The following PTPN13 variants were observed in gnomAD, a reference collection of about 807,000 sequenced individuals.
PTPN13 encodes the protein tyrosine-protein phosphatase non-receptor type 13.
In PTPN13, 191 loss-of-function variants were observed where a neutral mutation model predicts 284.0. The observed-to-expected ratio is 0.67, with a 90% CI of 0.60 to 0.76. The LOEUF (loss-of-function observed/expected upper bound fraction) is 0.76. Ranked by LOEUF, PTPN13 falls within the 30% of genes least tolerant of loss-of-function variation. PTPN13 has a pLI of 0.00. For missense variants in PTPN13, 2,797 were observed against 2,939.9 expected (o/e 0.95, Z 1.12); for synonymous variants, 986 against 1,022.3 (o/e 0.96, Z 0.68).
chr4:86,784,365 C>T (rs761704630), intron 37 of PTPN13, 100 bp from the exon 38 acceptor site: 3 of 740,636 alleles, frequency 4.1e-6, no homozygotes, highest in Non-Finnish European at 6.6e-6. Context: ...TAAAATGGAT[C>T]TTGTACTAAG....
chr4:86,721,819 G>C (rs1322464711), intron 9 of PTPN13, among the ~76,000 whole-genome samples: 1 of 148,208 alleles, frequency 6.7e-6, no homozygotes, highest in Non-Finnish European at 1.5e-5. Context: ...GCTCACTGCA[G>C]CCTCAACCCC....
intron 7 of PTPN13, among the ~76,000 whole-genome samples, chr4:86,705,390 T>G (rs574534070): frequency 6.6e-6 from 1 of 151,262 alleles, no homozygotes; most frequent in Non-Finnish European, 1.5e-5. Context: ...TATGAAGATT[T>G]TAGCTACTAT....
At chr4:86,811,150 A>C in intron 47 of PTPN13, 42 bp downstream of exon 47, 1 of 1,556,662 alleles carries the variant, frequency 6.4e-7, no homozygotes, top group South Asian at 1.2e-5. Context: ...TTTTGTAAAG[A>C]TTCTAATATT....
chr4:86,769,625 T>C (rs1739746690), intron 28 of PTPN13, 144 bp from the exon 29 acceptor site: 7 of 578,810 alleles, frequency 1.2e-5, no homozygotes, highest in East Asian at 2.8e-5. Context: ...CAGTATACCA[T>C]TGGAGTGCAG....
chr4:86,595,850 G>C (rs1484671793), intron 1 of PTPN13: 2 of 729,538 alleles, frequency 2.7e-6, no homozygotes, highest in Non-Finnish European at 3.4e-6. Flanking sequence ...AAGGATGGGG[G>C]GGGGAGTAAA....
intron 43 of PTPN13, among the ~76,000 whole-genome samples, 162 bp downstream of exon 43, chr4:86,804,019 G>C (rs1744372096): frequency 6.6e-6 from 1 of 151,580 alleles, no homozygotes; most frequent in Admixed American, 6.6e-5. Context: ...TTCTGATTAG[G>C]ATCCCAATAA....
At chr4:86,723,396 G>A (rs1050883486) in intron 10 of PTPN13, among the ~76,000 whole-genome samples, 2 of 152,106 alleles carry the variant, frequency 1.3e-5, no homozygotes, top group Non-Finnish European at 2.9e-5. Flanking sequence ...TGTGAACTGC[G>A]TTGCATGTTC....
intron 3 of PTPN13, among the ~76,000 whole-genome samples, chr4:86,680,456 A>C (rs1728783070): frequency 6.6e-6 from 1 of 151,132 alleles, no homozygotes. Context: ...ATATGTACTT[A>C]ATTGCCTGAA....
chr4:86,613,189 G>A (rs1220549349), intron 1 of PTPN13, among the ~76,000 whole-genome samples: 2 of 152,146 alleles, frequency 1.3e-5, no homozygotes, highest in Non-Finnish European at 2.9e-5. Flanking sequence ...ACTTACTGTG[G>A]GCAAGGAATA....
intron 2 of PTPN13, among the ~76,000 whole-genome samples, chr4:86,668,885 G>A (rs1307364873): frequency 2.6e-5 from 4 of 151,392 alleles, no homozygotes; most frequent in African/African-American, 4.9e-5. Context: ...GGGATTACAG[G>A]CATGAGCCAC....
At chr4:86,636,807 A>C (rs1723073594) in intron 2 of PTPN13, among the ~76,000 whole-genome samples, 1 of 152,210 alleles carries the variant, frequency 6.6e-6, no homozygotes, top group Admixed American at 6.5e-5. Context: ...AGCTACCAGA[A>C]GGCAAGAAAT....
chr4:86,795,102 G>C (rs1302348391), intron 40 of PTPN13, among the ~76,000 whole-genome samples: 1 of 152,150 alleles, frequency 6.6e-6, no homozygotes, highest in Non-Finnish European at 1.5e-5. Flanking sequence ...AGAGTGAACA[G>C]GCAACCTACC....
At chr4:86,773,266 T>C (rs1177744599) in intron 32 of PTPN13, among the ~76,000 whole-genome samples, 1 of 152,238 alleles carries the variant, frequency 6.6e-6, no homozygotes, top group Non-Finnish European at 1.5e-5. Flanking sequence ...CACAGGGTTG[T>C]GGTGAAGATT....
chr4:86,725,845 G>A lies in PTPN13; in HGVS notation c.1608+3411G>A, dbSNP rs553788271. Among the ~76,000 whole-genome samples, 159 of 149,618 alleles carry A rather than the reference G, an allele frequency of 1.1e-3. 12 individuals carry two copies. The highest frequency in any genetic ancestry group is 1.6e-3 in the Non-Finnish European group (109 of 66,622). ...TAATTAGATACTGTTTGTCTATTTTGGCTTTCGTTGCCATTGCTTTTGGTG... is the reference window on the plus strand; with the variant it reads ...TAATTAGATACTGTTTGTCTATTTTAGCTTTCGTTGCCATTGCTTTTGGTG... On this transcript the variant is annotated intron_variant, in intron 10 of 47. Coordinates refer to ENST00000411767, the MANE Select transcript of PTPN13 (RefSeq NM_080683.3).
At chr4:86,658,810 T>G (rs1726142985) in intron 2 of PTPN13, among the ~76,000 whole-genome samples, 1 of 151,982 alleles carries the variant, frequency 6.6e-6, no homozygotes, top group African/African-American at 2.4e-5. Flanking sequence ...ACAGTCAAAA[T>G]TTTAAAAAAA....
At chr4:86,772,547 G>A (rs182481049) in intron 31 of PTPN13, among the ~76,000 whole-genome samples, 3 of 152,092 alleles carry the variant, frequency 2.0e-5, no homozygotes, top group East Asian at 3.9e-4. Flanking sequence ...GAGTGAGACC[G>A]TGTCTCAACA....
intron 1 of PTPN13, among the ~76,000 whole-genome samples, chr4:86,596,194 A>G (rs1242568213): frequency 2.0e-5 from 3 of 152,154 alleles, no homozygotes; most frequent in Non-Finnish European, 2.9e-5. Flanking sequence ...AAACAGAAAA[A>G]TATTTGAGGT....
chr4:86,716,487 C>A, intron 7 of PTPN13, 43 bp from the exon 8 acceptor site: 1 of 1,128,286 alleles, frequency 8.9e-7, no homozygotes, highest in Non-Finnish European at 1.3e-6. Context: ...TGTGGAATAG[C>A]TAATGAGTTT....
At chr4:86,680,896 G>T (rs1728832668) in intron 3 of PTPN13, among the ~76,000 whole-genome samples, 1 of 152,046 alleles carries the variant, frequency 6.6e-6, no homozygotes, top group Admixed American at 6.6e-5. Flanking sequence ...ATTCTTTCAG[G>T]GAGCATCTAC....
Sources: allele counts gnomAD v4.1 joint callset (sites outside exome capture counted in the v4.1 genomes callset), GRCh38; gene constraint gnomAD v4.1.1; transcripts MANE v1.5; gene names NCBI Gene and HGNC (gene_info 2026-07-23, HGNC 2026-07-21).